The following CSMD1 variants were observed in gnomAD, a reference collection of about 807,000 sequenced individuals.
CSMD1 encodes CUB and sushi domain-containing protein 1.
In CSMD1, 213 loss-of-function variants were observed where a neutral mutation model predicts 417.5. The ratio of observed to expected loss-of-function variants is 0.51; its 90% confidence interval spans 0.46 to 0.57. The LOEUF is 0.57. Among genes scored for constraint, CSMD1 ranks in the 20% least tolerant of loss-of-function variants. The probability of loss-of-function intolerance (pLI) is 0.00; values close to 1 mark genes in which losing one functional copy is unlikely to be tolerated. For synonymous variants in CSMD1, 2,862 were observed against 1,736.8 expected, an observed-to-expected ratio of 1.65 and a Z score of -16.11; for missense variants, 6,923 against 4,529.7, an observed-to-expected ratio of 1.53 and a Z score of -15.17.
chr8:3,305,716 G>A (rs565707279), intron 25 of CSMD1, among the ~76,000 whole-genome samples: 1 of 152,136 alleles, frequency 6.6e-6, no homozygotes, highest in African/African-American at 2.4e-5. Context: ...CAGTCTCACT[G>A]TTGCCCAGGT....
intron 5 of CSMD1, among the ~76,000 whole-genome samples, chr8:3,912,100 A>T (rs903858983): frequency 3.9e-5 from 6 of 152,182 alleles, no homozygotes; most frequent in Non-Finnish European, 7.3e-5. Context: ...AATAAATATA[A>T]CAGCTTGTCC....
intron 50 of CSMD1, among the ~76,000 whole-genome samples, chr8:3,037,662 G>C (rs999640635): frequency 6.6e-6 from 1 of 152,120 alleles, no homozygotes; most frequent in Non-Finnish European, 1.5e-5. Context: ...GATTCTTAAG[G>C]ACAAAAGTTG....
chr8:4,254,078 G>C (rs1366432608), intron 3 of CSMD1, among the ~76,000 whole-genome samples: 1 of 151,606 alleles, frequency 6.6e-6, no homozygotes, highest in Non-Finnish European at 1.5e-5. Context: ...CACCACGCCT[G>C]GCTAATTTTT....
intron 3 of CSMD1, among the ~76,000 whole-genome samples, chr8:4,183,457 A>C (rs545368828): frequency 6.6e-6 from 1 of 152,318 alleles, no homozygotes; most frequent in Admixed American, 6.5e-5. Context: ...TAGCCCCTCA[A>C]TGACATGTTC....
At chr8:3,689,700 G>A (rs1003776856) in intron 7 of CSMD1, among the ~76,000 whole-genome samples, 2 of 146,266 alleles carry the variant, frequency 1.4e-5, no homozygotes, top group African/African-American at 2.4e-5. Flanking sequence ...AATCCTATGA[G>A]TAAAGTACTA....
intron 1 of CSMD1, among the ~76,000 whole-genome samples, chr8:4,979,287 A>G (rs1810741532): frequency 6.6e-6 from 1 of 152,170 alleles, no homozygotes; most frequent in Non-Finnish European, 1.5e-5. Flanking sequence ...GCGTGGTTCT[A>G]TGCTTTTTAC....
chr8:4,452,923 C>A (rs1440047213), intron 2 of CSMD1, among the ~76,000 whole-genome samples: 1 of 152,076 alleles, frequency 6.6e-6, no homozygotes, highest in Admixed American at 6.5e-5. Flanking sequence ...GTGGTAACAG[C>A]CTTTTTATTT....
intron 3 of CSMD1, among the ~76,000 whole-genome samples, chr8:4,414,695 G>C (rs914285000): frequency 1.3e-5 from 2 of 152,082 alleles, no homozygotes; most frequent in African/African-American, 2.4e-5. Flanking sequence ...TTTTCTTTCA[G>C]GTTTTGAGGA....
intron 10 of CSMD1, among the ~76,000 whole-genome samples, chr8:3,495,157 C>T (rs1487302458): frequency 6.6e-6 from 1 of 152,112 alleles, no homozygotes; most frequent in Admixed American, 6.5e-5. Flanking sequence ...TGTTGCAAAC[C>T]AGTATAAATA....
intron 12 of CSMD1, among the ~76,000 whole-genome samples, chr8:3,452,373 G>A (rs894579346): frequency 2.6e-5 from 4 of 152,172 alleles, no homozygotes; most frequent in Non-Finnish European, 4.4e-5. Flanking sequence ...AGTGGTGAGA[G>A]AGGGCACTCC....
chr8:4,695,773 C>T (rs892563719), intron 1 of CSMD1, among the ~76,000 whole-genome samples: 1 of 152,094 alleles, frequency 6.6e-6, no homozygotes, highest in African/African-American at 2.4e-5. Flanking sequence ...ATATGTATCC[C>T]CGATATAGTA....
intron 2 of CSMD1, among the ~76,000 whole-genome samples, chr8:4,491,222 A>G (rs1030640078): frequency 6.6e-5 from 10 of 152,186 alleles, no homozygotes; most frequent in Admixed American, 2.0e-4. Context: ...AAATAGATAC[A>G]ACTTCAATAC....
intron 3 of CSMD1, among the ~76,000 whole-genome samples, chr8:4,281,006 A>C (rs755866747): frequency 2.0e-5 from 3 of 152,160 alleles, no homozygotes; most frequent in African/African-American, 4.8e-5. Flanking sequence ...TAAATGTATT[A>C]AAATTAAGTG....
At chr8:4,365,277 G>A (rs904480961) in intron 3 of CSMD1, among the ~76,000 whole-genome samples, 5 of 152,170 alleles carry the variant, frequency 3.3e-5, no homozygotes, top group African/African-American at 9.7e-5. Context: ...AAGAAAAACT[G>A]TAAGTGTAAA....
intron 41 of CSMD1, among the ~76,000 whole-genome samples, chr8:3,138,025 G>C (rs966209436): frequency 6.6e-6 from 1 of 152,196 alleles, no homozygotes; most frequent in Admixed American, 6.5e-5. Context: ...AGGAGTTCGA[G>C]ACCAACCTGG....
At chr8:4,021,346 G>C (rs576083622) in intron 4 of CSMD1, among the ~76,000 whole-genome samples, 2 of 152,318 alleles carry the variant, frequency 1.3e-5, no homozygotes, top group Admixed American at 1.3e-4. Flanking sequence ...CTTGTTTCAT[G>C]TCACATTTTC....
At chr8:3,781,739 C>G (rs928929642) in intron 5 of CSMD1, among the ~76,000 whole-genome samples, 1 of 152,088 alleles carries the variant, frequency 6.6e-6, no homozygotes, top group Non-Finnish European at 1.5e-5. Flanking sequence ...CAATATTGCC[C>G]CTGACAATCT....
At chr8:3,287,353 C>G (rs539616807) in intron 25 of CSMD1, among the ~76,000 whole-genome samples, 2 of 152,082 alleles carry the variant, frequency 1.3e-5, no homozygotes, top group African/African-American at 4.8e-5. Flanking sequence ...TCATTGGTAA[C>G]TTGAAGGGGA....
intron 3 of CSMD1, among the ~76,000 whole-genome samples, chr8:4,399,244 T>A (rs755603309): frequency 6.6e-6 from 1 of 152,174 alleles, no homozygotes; most frequent in Admixed American, 6.6e-5. Flanking sequence ...TCCCCTTGTG[T>A]GTAATTCCTC....
Sources: allele counts gnomAD v4.1 joint callset (sites outside exome capture counted in the v4.1 genomes callset), GRCh38; gene constraint gnomAD v4.1.1; transcripts MANE v1.5; gene names NCBI Gene and HGNC (gene_info 2026-07-23, HGNC 2026-07-21).